SBNO1: variants seen among roughly 807,000 people sequenced by gnomAD.
SBNO1 encodes the protein strawberry notch homolog 1.
SBNO1 carries 23 observed loss-of-function variants against 173.6 expected under a neutral mutation model. The observed-to-expected ratio is 0.13, with a 90% CI of 0.10 to 0.19. The LOEUF is 0.19. Among genes scored for constraint, SBNO1 ranks in the 10% least tolerant of loss-of-function variants. The pLI is 1.00. For missense variants in SBNO1, 1,238 were observed against 1,671.2 expected, an observed-to-expected ratio of 0.74 and a Z score of 4.52; for synonymous variants, 632 against 571.5, an observed-to-expected ratio of 1.11 and a Z score of -1.51.
rs796880052 is a variant in SBNO1, at chr12:123,295,601, T to C, written c.*307A>G. On this transcript the variant is annotated 3_prime_UTR_variant, in exon 32 of 32. Transcript: ENST00000602398. ...AGCATTTTAAACCAACTGTGGTCTG[T>C]AGCCTTTAACACACTCACAAACAGA... 29 of 275,842 alleles carry C rather than the reference T, an allele frequency of 1.1e-4. No individual in the cohort carries two copies. The highest frequency in any genetic ancestry group is 5.1e-4 in the African/African-American group (24 of 46,982). The allele number at this position is 275,842 out of a possible 1,614,324, so 17.1% of individuals were successfully genotyped here. A position where few individuals can be genotyped will look rare whatever the true frequency, so the allele number is the denominator to read the frequency against.
intron 2 of SBNO1, among the ~76,000 whole-genome samples, chr12:123,348,682 C>T (rs539012058): frequency 6.6e-6 from 1 of 152,194 alleles, no homozygotes; most frequent in South Asian, 2.1e-4. Context: ...AGGAGAATGG[C>T]GTGAACCTGG....
At position 123,309,537 on chromosome 12, in the gene SBNO1, C is replaced by A; in HGVS notation, c.3489G>T (p.Lys1163Asn). Residue 1163 changes from lysine (K) to asparagine (N), a missense_variant, in exon 27 of 32, where the codon AAG (lysine) becomes AAT (asparagine). Lys to Asn is a moderately conservative substitution (Grantham distance 94). Transcript: ENST00000602398. ...DEKVRKSDVK[K>N]FLTPGYSTSG... ...AGGTTGAATATCCTGGAGTCAGAAACTTTTTAACATCACTTTTCCGCACTT... is the reference window on the plus strand; with the variant it reads ...AGGTTGAATATCCTGGAGTCAGAAAATTTTTAACATCACTTTTCCGCACTT... 1 of 1,614,064 alleles carries A rather than the reference C, an allele frequency of 6.2e-7. No homozygotes were observed. The highest frequency in any genetic ancestry group is 8.5e-7 in the Non-Finnish European group (1 of 1,179,940).
chr12:123,298,092 C>A lies in SBNO1; in HGVS notation c.3925G>T (p.Gly1309Cys). Residue 1309 changes from glycine (G) to cysteine (C), a missense_variant, in exon 31 of 32, where the codon GGT becomes TGT. Transcript: ENST00000602398. ...TTTGTCCAGACACTCAGCACTGAAC[C>A]ACATAATACATAATATGTACGGCAA... The part of the protein sequence containing the change: ...LRCRTYYVLC[G>C]SVLSVWTKVE... 6.2e-7 allele frequency: 1 copy of A among 1,611,762 alleles called. No individual in the cohort carries two copies.
intron 25 of SBNO1, 90 bp from the exon 26 acceptor site, chr12:123,309,946 C>G (rs1175088468): frequency 4.0e-6 from 4 of 1,005,854 alleles, no homozygotes; most frequent in Non-Finnish European, 5.9e-6. Context: ...ACTTTCTCTT[C>G]TAAAAGTCTT....
chr12:123,359,114 T>C (rs947357163), intron 1 of SBNO1, among the ~76,000 whole-genome samples: 19 of 151,902 alleles, frequency 1.3e-4, no homozygotes, highest in African/African-American at 4.3e-4. Context: ...TTTGTATTTT[T>C]AGTACAGACA....
chr12:123,318,737 CAAAAAAAAA>C (rs56158087), intron 20 of SBNO1, among the ~76,000 whole-genome samples: 2 of 116,534 alleles, frequency 1.7e-5, no homozygotes. Flanking sequence ...GACTCTGTCT[CAAAAAAAAA>C]AAAAAAAAGA....
intron 28 of SBNO1, 25 bp downstream of exon 28, chr12:123,309,285 A>G (rs1171098945): frequency 5.2e-6 from 8 of 1,549,300 alleles, no homozygotes; most frequent in Non-Finnish European, 5.4e-6. Context: ...ATATATCTGA[A>G]TAGAATTTAA....
intron 24 of SBNO1, among the ~76,000 whole-genome samples, chr12:123,313,200 TAAAATAAA>T (rs1458599009): frequency 1.6e-5 from 2 of 122,904 alleles, no homozygotes; most frequent in Non-Finnish European, 3.3e-5. Context: ...GACTCGGTCT[TAAAATAAA>T]TAAATAAATA....
At chr12:123,328,998 G>A in intron 9 of SBNO1, 103 bp from the exon 10 acceptor site, 2 of 632,128 alleles carry the variant, frequency 3.2e-6, no homozygotes, top group South Asian at 5.5e-5. Flanking sequence ...TTAGGCCCAT[G>A]ACAGGCTTCA....
intron 31 of SBNO1, 22 bp downstream of exon 31, chr12:123,297,956 C>G (rs751195857): frequency 1.9e-6 from 3 of 1,607,796 alleles, no homozygotes; most frequent in Non-Finnish European, 2.5e-6. Flanking sequence ...GCAACTCAAA[C>G]CAAAACAAAA....
chr12:123,316,061 G>A (rs892207206), intron 21 of SBNO1, among the ~76,000 whole-genome samples: 1 of 152,088 alleles, frequency 6.6e-6, no homozygotes, highest in Admixed American at 6.6e-5. Flanking sequence ...ACTCCTTGAG[G>A]AACCCTGTTC....
At chr12:123,311,720 CTATA>C (rs56718635) in intron 24 of SBNO1, among the ~76,000 whole-genome samples, 2,111 of 127,382 alleles carry the variant, frequency 0.017, 32 homozygotes, top group African/African-American at 0.026. Context: ...ATCTATCTAT[CTATA>C]TATATATATA....
chr12:123,354,399 A>AATAT (rs1159162888), intron 1 of SBNO1, among the ~76,000 whole-genome samples: 1 of 152,176 alleles, frequency 6.6e-6, no homozygotes, highest in Non-Finnish European at 1.5e-5. Flanking sequence ...TTTTAATCCT[A>AATAT]ATATATATCT....
At chr12:123,323,295 A>G (rs1196591345) in intron 16 of SBNO1, among the ~76,000 whole-genome samples, 1 of 152,236 alleles carries the variant, frequency 6.6e-6, no homozygotes, top group East Asian at 1.9e-4. Flanking sequence ...CCCAAAATAT[A>G]GCCACTTTAA....
chr12:123,290,607 C>T lies in SBNO1; in HGVS notation c.*5301G>A, dbSNP rs1343575914. 1 of 152,218 alleles carries T rather than the reference C, an allele frequency of 6.6e-6. No homozygotes were observed. Among genetic ancestry groups the T allele is most frequent in the Admixed American group, 6.5e-5 (1 of 15,272 alleles). 9.4% of individuals were successfully genotyped at this position (152,218 alleles called of 1,614,324 possible). ...TACAAGGGTGGAGAGCACAGCCGTTCAGGGTACCCCAGGGACCAGTGCTGC... is the reference window on the plus strand; with the variant it reads ...TACAAGGGTGGAGAGCACAGCCGTTTAGGGTACCCCAGGGACCAGTGCTGC... On this transcript the variant is annotated 3_prime_UTR_variant, in exon 32 of 32. Transcript: ENST00000602398.
chr12:123,295,059 T>C lies in SBNO1; in HGVS notation c.*849A>G, dbSNP rs1409012185. 6.6e-6 allele frequency: 1 copy of C among 152,162 alleles called. No individual in the cohort carries two copies. Among genetic ancestry groups the C allele is most frequent in the African/African-American group, 2.4e-5 (1 of 41,434 alleles). The allele number at this position is 152,162 out of a possible 1,614,324, so 9.4% of individuals were successfully genotyped here. On this transcript the variant is annotated 3_prime_UTR_variant, in exon 32 of 32. Coordinates refer to ENST00000602398, the MANE Select transcript of SBNO1 (RefSeq NM_001167856.3). ...TCTAAAACTACCTTTAAGTTGCAAA[T>C]GTAAATTTAAGAGGCTCATAGCCAT...
chr12:123,344,075 T>C (rs1872838486), intron 4 of SBNO1, among the ~76,000 whole-genome samples: 1 of 152,220 alleles, frequency 6.6e-6, no homozygotes, highest in African/African-American at 2.4e-5. Flanking sequence ...TAAGTTATGA[T>C]GGCATATGCT....
At chr12:123,310,299 T>TCCTGGCTCACTGCAAC (rs2049020466) in intron 25 of SBNO1, among the ~76,000 whole-genome samples, 2 of 152,260 alleles carry the variant, frequency 1.3e-5, no homozygotes, top group African/African-American at 4.8e-5. Flanking sequence ...AGTCATGCAA[T>TCCTGGCTCACTGCAAC]CTTGGCTCAC....
At chr12:123,340,309 A>G (rs1872374752) in intron 5 of SBNO1, among the ~76,000 whole-genome samples, 1 of 152,196 alleles carries the variant, frequency 6.6e-6, no homozygotes, top group Non-Finnish European at 1.5e-5. Context: ...GGCCGGGTGC[A>G]GTGGCTCACG....
Sources: allele counts gnomAD v4.1 joint callset (sites outside exome capture counted in the v4.1 genomes callset), GRCh38; gene constraint gnomAD v4.1.1; transcripts MANE v1.5; gene names NCBI Gene and HGNC (gene_info 2026-07-23, HGNC 2026-07-21).